The following UBTD2 variants were observed in gnomAD, a reference collection of about 807,000 sequenced individuals.
The protein encoded by UBTD2 is ubiquitin domain-containing protein 2.
A neutral mutation model predicts 19.8 loss-of-function variants in UBTD2; 9 were observed. That is an observed-to-expected ratio of 0.46 (90% CI 0.27 to 0.79). The LOEUF is 0.79. Ranked by LOEUF, UBTD2 falls within the 30% of genes least tolerant of loss-of-function variation. The probability of loss-of-function intolerance (pLI) is 0.14; values close to 1 mark genes in which losing one functional copy is unlikely to be tolerated. For synonymous variants in UBTD2, 98 were observed against 103.9 expected (o/e 0.94, Z 0.35); for missense variants, 250 against 300.4 (o/e 0.83, Z 1.24).
At chr5:172,224,741 G>C in intron 2 of UBTD2, among the ~76,000 whole-genome samples, 1 of 152,168 alleles carries the variant, frequency 6.6e-6, no homozygotes, top group East Asian at 1.9e-4. Flanking sequence ...CTGTGGAACT[G>C]TGAGTCAATT....
chr5:172,229,121 C>A (rs1051158114), intron 2 of UBTD2, among the ~76,000 whole-genome samples: 44 of 152,124 alleles, frequency 2.9e-4, no homozygotes, highest in Middle Eastern at 3.4e-3. Flanking sequence ...TGAATAAAAT[C>A]GGGGTTAAAT....
chr5:172,277,485 T>A (rs575480070), intron 1 of UBTD2, among the ~76,000 whole-genome samples: 27 of 151,888 alleles, frequency 1.8e-4, no homozygotes, highest in Non-Finnish European at 3.5e-4. Flanking sequence ...GGAGGGAGGA[T>A]CACTTAAGCC....
chr5:172,234,208 A>C lies in UBTD2; in HGVS notation c.221T>G (p.Leu74Trp), dbSNP rs777033380. Residue 74 changes from leucine (L) to tryptophan (W), a missense_variant, in exon 2 of 3, where the codon TTG (leucine) becomes TGG (tryptophan). By Grantham distance (61) the Leu-to-Trp change is moderately conservative (BLOSUM62 -2). Coordinates refer to ENST00000393792, the MANE Select transcript of UBTD2 (RefSeq NM_152277.3). The part of the protein sequence containing the change: ...FEGRKEIWDA[L>W]KAAAHAFESN... ...CTCAAAAGCATGTGCAGCAGCCTTC[A>C]AGGCATCCCAAATCTCTTTCCGGCC... 1.2e-6 allele frequency: 2 copies of C among 1,614,162 alleles called. No homozygotes were observed. Among genetic ancestry groups the C allele is most frequent in the Non-Finnish European group, 1.7e-6 (2 of 1,180,024 alleles).
chr5:172,222,635 G>A (rs1771675400), intron 2 of UBTD2, among the ~76,000 whole-genome samples: 1 of 152,142 alleles, frequency 6.6e-6, no homozygotes, highest in Non-Finnish European at 1.5e-5. Flanking sequence ...GGTGTGTTCT[G>A]GGCATGACTT....
At chr5:172,260,798 T>C (rs1027738531) in intron 1 of UBTD2, among the ~76,000 whole-genome samples, 2 of 152,214 alleles carry the variant, frequency 1.3e-5, no homozygotes, top group Non-Finnish European at 1.5e-5. Context: ...ACTTGTTATA[T>C]GTTGTGGCAC....
rs1170103251 is a variant in UBTD2, at chr5:172,215,561, T to C, written c.308-3334A>G. ...CCACCTTTCCCAAAAAATTACAAGA[T>C]GTACCAAAAGGCAAAAAAACAGTTT... On this transcript the variant is annotated intron_variant, in intron 2 of 2. Coordinates refer to ENST00000393792, the MANE Select transcript of UBTD2 (RefSeq NM_152277.3). 1.1e-4 allele frequency among the ~76,000 whole-genome samples: 16 copies of C among 152,096 alleles called. 1 individual carries two copies. The highest frequency in any genetic ancestry group is 1.0e-3 in the Admixed American group (16 of 15,264).
intron 1 of UBTD2, among the ~76,000 whole-genome samples, chr5:172,279,179 T>C (rs1284543285): frequency 6.6e-6 from 1 of 152,228 alleles, no homozygotes; most frequent in East Asian, 1.9e-4. Context: ...TTATAAGCTA[T>C]GTGATGATGA....
chr5:172,230,050 G>T (rs1771858245), intron 2 of UBTD2, among the ~76,000 whole-genome samples: 1 of 152,170 alleles, frequency 6.6e-6, no homozygotes, highest in Non-Finnish European at 1.5e-5. Flanking sequence ...TACAGGGCAG[G>T]AAAACTGAAA....
intron 1 of UBTD2, among the ~76,000 whole-genome samples, chr5:172,251,273 C>T (rs1475051371): frequency 6.9e-6 from 1 of 144,104 alleles, no homozygotes; most frequent in East Asian, 2.1e-4. Context: ...GAGCCAAGAT[C>T]ACACCACTGC....
intron 1 of UBTD2, among the ~76,000 whole-genome samples, chr5:172,246,441 CTTTTTTTTTT>C (rs36037402): frequency 3.5e-5 from 3 of 85,072 alleles, no homozygotes; most frequent in African/African-American, 1.0e-4. Context: ...ATTGAGATTG[CTTTTTTTTTT>C]TTTTTTTTTT....
At chr5:172,251,465 C>CAA (rs59810255) in intron 1 of UBTD2, among the ~76,000 whole-genome samples, 5,606 of 91,518 alleles carry the variant, frequency 0.061, 158 homozygotes, top group Non-Finnish European at 0.087. Context: ...TCAAACTGTC[C>CAA]AAAAAAAAAA....
chr5:172,244,843 C>T (rs1253209589), intron 1 of UBTD2, among the ~76,000 whole-genome samples: 2 of 152,036 alleles, frequency 1.3e-5, no homozygotes, highest in African/African-American at 2.4e-5. Flanking sequence ...ATTCTCATGC[C>T]TCAGCCTCCC....
At chr5:172,256,467 A>C (rs1755153656) in intron 1 of UBTD2, among the ~76,000 whole-genome samples, 1 of 151,288 alleles carries the variant, frequency 6.6e-6, no homozygotes. Flanking sequence ...CTGCAGTCTC[A>C]AGTATACTCC....
intron 2 of UBTD2, among the ~76,000 whole-genome samples, chr5:172,231,750 T>C (rs983655439): frequency 2.0e-5 from 3 of 152,150 alleles, no homozygotes; most frequent in Admixed American, 1.3e-4. Context: ...CTATAAAACA[T>C]ATATTTTCCT....
chr5:172,224,635 A>T (rs1161241544), intron 2 of UBTD2, among the ~76,000 whole-genome samples: 3 of 150,258 alleles, frequency 2.0e-5, no homozygotes, highest in African/African-American at 7.4e-5. Flanking sequence ...TCTGCTCCTC[A>T]CTCTTCTCTC....
intron 1 of UBTD2, among the ~76,000 whole-genome samples, chr5:172,277,114 AGAC>A (rs1755621033): frequency 6.6e-6 from 1 of 151,436 alleles, no homozygotes; most frequent in Admixed American, 6.6e-5. Context: ...AACAAAAAGA[AGAC>A]GAAGTACATT....
At chr5:172,254,445 T>C (rs1342926650) in intron 1 of UBTD2, 1 of 463,864 alleles carries the variant, frequency 2.2e-6, no homozygotes, top group Non-Finnish European at 4.0e-6. Flanking sequence ...ACGGTTACAG[T>C]CCGGACACTG....
chr5:172,216,957 C>T (rs926890070), intron 2 of UBTD2, among the ~76,000 whole-genome samples: 6 of 151,794 alleles, frequency 4.0e-5, no homozygotes, highest in African/African-American at 1.5e-4. Flanking sequence ...CAGAGACAGA[C>T]CTTGCCTAAA....
chr5:172,281,973 C>T (rs1005307274), intron 1 of UBTD2, among the ~76,000 whole-genome samples: 7 of 152,194 alleles, frequency 4.6e-5, no homozygotes, highest in East Asian at 1.9e-4. Context: ...TAAGATTTCA[C>T]GCTTTTTAAA....
Sources: allele counts gnomAD v4.1 joint callset (sites outside exome capture counted in the v4.1 genomes callset), GRCh38; gene constraint gnomAD v4.1.1; transcripts MANE v1.5; gene names NCBI Gene and HGNC (gene_info 2026-07-23, HGNC 2026-07-21).